The following GALNT13 variants were observed in gnomAD, a reference collection of about 807,000 sequenced individuals.
GALNT13 encodes the protein UDP-GalNAc:polypeptide N-acetylgalactosaminyltransferase 13.
Under a neutral mutation model 64.2 loss-of-function variants are expected in GALNT13, and 28 were observed. That is an observed-to-expected ratio of 0.44 (90% CI 0.32 to 0.60). The LOEUF (loss-of-function observed/expected upper bound fraction) is 0.60. Among genes scored for constraint, GALNT13 ranks in the 20% least tolerant of loss-of-function variants. The probability of loss-of-function intolerance (pLI) is 0.05; values close to 1 mark genes in which losing one functional copy is unlikely to be tolerated. For missense variants in GALNT13, 577 were observed against 669.8 expected (o/e 0.86, Z 1.53); for synonymous variants, 214 against 224.6 (o/e 0.95, Z 0.42).
chr2:153,795,223 A>G, the GALNT13 span, among the ~76,000 whole-genome samples: 1 of 152,216 alleles, frequency 6.6e-6, no homozygotes, highest in South Asian at 2.1e-4. Context: ...TAGACAAAAT[A>G]ATGCTTTCAC....
the GALNT13 span, among the ~76,000 whole-genome samples, chr2:153,403,007 CT>C: frequency 4.0e-5 from 6 of 151,420 alleles, no homozygotes; most frequent in Non-Finnish European, 8.9e-5. Context: ...AGGCACTCTG[CT>C]TTTTAGAGTT....
chr2:153,864,176 A>T, the GALNT13 span, among the ~76,000 whole-genome samples: 9 of 152,192 alleles, frequency 5.9e-5, no homozygotes, highest in African/African-American at 1.7e-4. Context: ...TCAGGCTGGC[A>T]TTACCACAAA....
At chr2:154,410,359 A>G (rs115306029) in intron 11 of GALNT13, among the ~76,000 whole-genome samples, 102 of 152,092 alleles carry the variant, frequency 6.7e-4, no homozygotes, top group Non-Finnish European at 1.1e-3. Flanking sequence ...TAGGACCTCA[A>G]TGATTTCATA....
At chr2:153,651,843 C>A in the GALNT13 span, among the ~76,000 whole-genome samples, 135,359 of 152,192 alleles carry the variant, frequency 0.89, 60,239 homozygotes, top group East Asian at 0.92. Context: ...TACAGTTTTC[C>A]TCAAGCAAGA....
intron 2 of GALNT13, among the ~76,000 whole-genome samples, chr2:153,929,360 T>C (rs1022557111): frequency 2.0e-5 from 3 of 152,130 alleles, no homozygotes; most frequent in African/African-American, 7.2e-5. Flanking sequence ...CCAACATTTA[T>C]TTTAGGTTTA....
chr2:153,965,565 G>A (rs1036719013), intron 3 of GALNT13, among the ~76,000 whole-genome samples: 3 of 151,842 alleles, frequency 2.0e-5, no homozygotes, highest in Admixed American at 6.6e-5. Flanking sequence ...AGAACAGGAC[G>A]GTCTTGTTTT....
At chr2:153,737,386 T>G in the GALNT13 span, among the ~76,000 whole-genome samples, 16 of 151,982 alleles carry the variant, frequency 1.1e-4, no homozygotes, top group African/African-American at 3.6e-4. Context: ...GGAATTGTGG[T>G]TTTTTTTCAA....
At chr2:153,386,978 C>G in the GALNT13 span, among the ~76,000 whole-genome samples, 1 of 152,080 alleles carries the variant, frequency 6.6e-6, no homozygotes, top group African/African-American at 2.4e-5. Flanking sequence ...ATAAACCATC[C>G]TTCTCTCCCC....
At chr2:154,422,074 G>A (rs192122941) in intron 11 of GALNT13, among the ~76,000 whole-genome samples, 414 of 152,182 alleles carry the variant, frequency 2.7e-3, no homozygotes, top group Admixed American at 5.0e-3. Context: ...TTGAAAGTCT[G>A]GAGTGGGACA....
chr2:153,147,962 A>G, the GALNT13 span, among the ~76,000 whole-genome samples: 1 of 151,796 alleles, frequency 6.6e-6, no homozygotes, highest in Non-Finnish European at 1.5e-5. Context: ...CTTGAGTCGG[A>G]ATTGTCTCTG....
the GALNT13 span, among the ~76,000 whole-genome samples, chr2:153,071,024 A>T: frequency 2.0e-5 from 3 of 152,192 alleles, no homozygotes; most frequent in Admixed American, 6.5e-5. Context: ...TTTAACACTC[A>T]TAAATCATAA....
chr2:153,321,012 A>T, the GALNT13 span, among the ~76,000 whole-genome samples: 1 of 152,176 alleles, frequency 6.6e-6, no homozygotes, highest in Non-Finnish European at 1.5e-5. Context: ...CTGAGCCTTA[A>T]TATAGCTCAT....
At chr2:153,888,125 T>C (rs1402108974) in intron 1 of GALNT13, among the ~76,000 whole-genome samples, 1 of 151,998 alleles carries the variant, frequency 6.6e-6, no homozygotes, top group African/African-American at 2.4e-5. Flanking sequence ...TGAGCACTGG[T>C]ATTTTGTCAT....
At chr2:153,332,610 C>G in the GALNT13 span, among the ~76,000 whole-genome samples, 19 of 150,508 alleles carry the variant, frequency 1.3e-4, no homozygotes, top group South Asian at 1.7e-3. Flanking sequence ...CAAGGCTTTG[C>G]CCCTATATCC....
chr2:154,342,461 G>T (rs78509101), intron 9 of GALNT13, among the ~76,000 whole-genome samples: 1 of 151,922 alleles, frequency 6.6e-6, no homozygotes, highest in African/African-American at 2.4e-5. Context: ...AGAACAAATC[G>T]AGGCTGCTGT....
At chr2:154,326,098 T>A (rs1038777351) in intron 9 of GALNT13, among the ~76,000 whole-genome samples, 1 of 152,102 alleles carries the variant, frequency 6.6e-6, no homozygotes, top group Admixed American at 6.6e-5. Context: ...GCCCACAGCA[T>A]CAGAATCTGC....
intron 4 of GALNT13, among the ~76,000 whole-genome samples, chr2:154,176,270 T>C (rs1255995675): frequency 6.7e-6 from 1 of 148,518 alleles, no homozygotes; most frequent in Non-Finnish European, 1.5e-5. Context: ...TTTATTTATT[T>C]ATTTATTTAT....
At chr2:153,286,517 A>T in the GALNT13 span, among the ~76,000 whole-genome samples, 5 of 152,178 alleles carry the variant, frequency 3.3e-5, no homozygotes, top group Non-Finnish European at 7.4e-5. Flanking sequence ...TAGGAGGAGT[A>T]ATGTGAACAA....
chr2:153,845,389 C>T, the GALNT13 span, among the ~76,000 whole-genome samples: 1 of 152,076 alleles, frequency 6.6e-6, no homozygotes. Context: ...ATGGTAAAAG[C>T]AGGAGCAAGA....
Sources: allele counts gnomAD v4.1 joint callset (sites outside exome capture counted in the v4.1 genomes callset), GRCh38; gene constraint gnomAD v4.1.1; transcripts MANE v1.5; gene names NCBI Gene and HGNC (gene_info 2026-07-23, HGNC 2026-07-21).